RPS6KC1: variants seen among roughly 807,000 people sequenced by gnomAD.
RPS6KC1 encodes the protein inactive ribosomal protein S6 kinase delta-1.
In RPS6KC1, 54 loss-of-function variants were observed where a neutral mutation model predicts 103.8. That is an observed-to-expected ratio of 0.52 (90% CI 0.42 to 0.65). The LOEUF (loss-of-function observed/expected upper bound fraction) is 0.65, where lower values mean the gene tolerates loss of function less well. Ranked by LOEUF, RPS6KC1 falls within the 30% of genes least tolerant of loss-of-function variation. The pLI, the probability that RPS6KC1 is intolerant of heterozygous loss-of-function variation, is 0.00. For synonymous variants in RPS6KC1, 439 were observed against 438.7 expected (o/e 1.00, Z -0.01); for missense variants, 1,151 against 1,253.8 (o/e 0.92, Z 1.24).
chr1:213,236,125 TG>T (rs1043643110), intron 10 of RPS6KC1, among the ~76,000 whole-genome samples: 5 of 152,154 alleles, frequency 3.3e-5, no homozygotes, highest in African/African-American at 1.2e-4. Context: ...ACACTCCTTA[TG>T]GGAATCTAAT....
the RPS6KC1 span, among the ~76,000 whole-genome samples, chr1:213,851,031 C>A: frequency 1.3e-5 from 2 of 152,222 alleles, no homozygotes; most frequent in South Asian, 2.1e-4. Context: ...TGCCTCTCCC[C>A]ATTCCCAAAG....
the RPS6KC1 span, among the ~76,000 whole-genome samples, chr1:213,716,537 T>C: frequency 6.6e-6 from 1 of 152,228 alleles, no homozygotes; most frequent in Non-Finnish European, 1.5e-5. Context: ...CAAAATACTT[T>C]GACATAATTT....
chr1:213,246,312 A>T (rs2094453464), intron 12 of RPS6KC1, among the ~76,000 whole-genome samples: 1 of 152,188 alleles, frequency 6.6e-6, no homozygotes, highest in Non-Finnish European at 1.5e-5. Context: ...GGAAGAGAAA[A>T]GGCAAAAGAA....
chr1:213,411,676 G>C, the RPS6KC1 span, among the ~76,000 whole-genome samples: 4 of 152,162 alleles, frequency 2.6e-5, no homozygotes, highest in Admixed American at 2.0e-4. Flanking sequence ...TGCTGAAGTG[G>C]GTGACACAGC....
At chr1:213,620,114 A>G in the RPS6KC1 span, among the ~76,000 whole-genome samples, 1 of 152,220 alleles carries the variant, frequency 6.6e-6, no homozygotes, top group African/African-American at 2.4e-5. Flanking sequence ...GTTGTCATCT[A>G]TAGTGCTGTA....
At chr1:213,777,911 T>G in the RPS6KC1 span, among the ~76,000 whole-genome samples, 1 of 152,216 alleles carries the variant, frequency 6.6e-6, no homozygotes, top group African/African-American at 2.4e-5. Context: ...TTATCTAACT[T>G]AATCCTCATC....
At chr1:213,064,979 T>G (rs2078190323) in intron 1 of RPS6KC1, among the ~76,000 whole-genome samples, 1 of 110,440 alleles carries the variant, frequency 9.1e-6, no homozygotes. Flanking sequence ...CCGGCCTTTT[T>G]TTTTTTTTTT....
chr1:213,389,315 GA>G, the RPS6KC1 span, among the ~76,000 whole-genome samples: 2 of 152,022 alleles, frequency 1.3e-5, no homozygotes, highest in Non-Finnish European at 2.9e-5. Context: ...ATTTTACTTG[GA>G]AAAAAAGGTC....
intron 8 of RPS6KC1, among the ~76,000 whole-genome samples, chr1:213,208,625 T>G (rs139090410): frequency 6.6e-6 from 1 of 152,146 alleles, no homozygotes; most frequent in African/African-American, 2.4e-5. Context: ...CCTCATAATC[T>G]GCTCAGGGAG....
chr1:213,259,973 A>T (rs866976145), intron 12 of RPS6KC1, among the ~76,000 whole-genome samples: 5 of 152,128 alleles, frequency 3.3e-5, no homozygotes, highest in Non-Finnish European at 7.4e-5. Context: ...CTCTGACCTC[A>T]GGTGATCCGC....
chr1:213,281,752 C>A, the RPS6KC1 span, among the ~76,000 whole-genome samples: 1 of 152,194 alleles, frequency 6.6e-6, no homozygotes, highest in African/African-American at 2.4e-5. Flanking sequence ...GAGGGGAGAG[C>A]AGTTGCTGCC....
intron 8 of RPS6KC1, among the ~76,000 whole-genome samples, chr1:213,228,939 T>C (rs2148845040): frequency 6.6e-6 from 1 of 152,232 alleles, no homozygotes; most frequent in East Asian, 1.9e-4. Flanking sequence ...CAGAAGGTGC[T>C]CAGTGTATAA....
the RPS6KC1 span, among the ~76,000 whole-genome samples, chr1:213,349,514 A>G: frequency 1.3e-5 from 2 of 152,182 alleles, no homozygotes; most frequent in Non-Finnish European, 2.9e-5. Flanking sequence ...CACACTTTGC[A>G]GCTTACTATA....
At chr1:213,750,709 T>A in the RPS6KC1 span, among the ~76,000 whole-genome samples, 1 of 152,130 alleles carries the variant, frequency 6.6e-6, no homozygotes, top group East Asian at 1.9e-4. Flanking sequence ...GGTGGCTGCT[T>A]ATGCAAGTCT....
At chr1:213,641,944 TA>T in the RPS6KC1 span, among the ~76,000 whole-genome samples, 16,679 of 152,038 alleles carry the variant, frequency 0.11, 1,363 homozygotes, top group African/African-American at 0.23. Context: ...TCCTGAAGGC[TA>T]ACCATTGCTT....
chr1:213,691,782 C>T, the RPS6KC1 span, among the ~76,000 whole-genome samples: 4 of 152,066 alleles, frequency 2.6e-5, no homozygotes, highest in African/African-American at 4.8e-5. Context: ...GGGAAGGAAT[C>T]GTTCCTCCAT....
the RPS6KC1 span, among the ~76,000 whole-genome samples, chr1:213,406,690 C>A: frequency 7.2e-5 from 11 of 152,174 alleles, no homozygotes; most frequent in African/African-American, 2.7e-4. Flanking sequence ...CAACAGCAAC[C>A]CCTTCACTCT....
At chr1:213,450,333 A>AT in the RPS6KC1 span, among the ~76,000 whole-genome samples, 7,109 of 138,018 alleles carry the variant, frequency 0.052, 191 homozygotes, top group Middle Eastern at 0.098. Context: ...GAGTTTGTAG[A>AT]TTTTTTTTTT....
chr1:213,380,822 G>C, the RPS6KC1 span, among the ~76,000 whole-genome samples: 2 of 152,252 alleles, frequency 1.3e-5, no homozygotes, highest in Non-Finnish European at 2.9e-5. Flanking sequence ...GCTCACCCTG[G>C]GCAGAGCGTC....
Sources: gnomAD v4.1 joint callset for allele counts (sites outside exome capture counted in the v4.1 genomes callset) on GRCh38, gnomAD v4.1.1 for gene constraint, MANE v1.5 for transcripts, NCBI Gene and HGNC (gene_info 2026-07-23, HGNC 2026-07-21) for gene names.